KCTD19: variants seen among roughly 807,000 people sequenced by gnomAD.
The protein encoded by KCTD19 is potassium channel tetramerization domain containing 19.
KCTD19 carries 67 observed loss-of-function variants against 103.5 expected under a neutral mutation model. That is an observed-to-expected ratio of 0.65 (90% CI 0.53 to 0.79). The LOEUF (loss-of-function observed/expected upper bound fraction) is 0.79, where lower values mean the gene tolerates loss of function less well. Ranked by LOEUF, KCTD19 falls within the 30% of genes least tolerant of loss-of-function variation. The probability of loss-of-function intolerance (pLI) is 0.00; values close to 1 mark genes in which losing one functional copy is unlikely to be tolerated. For synonymous variants in KCTD19, 439 were observed against 452.2 expected, an observed-to-expected ratio of 0.97 and a Z score of 0.37; for missense variants, 980 against 1,136.1, an observed-to-expected ratio of 0.86 and a Z score of 1.98.
chr16:67,316,332 C>A (rs967012330), intron 2 of KCTD19, among the ~76,000 whole-genome samples: 2 of 152,208 alleles, frequency 1.3e-5, no homozygotes, highest in Non-Finnish European at 2.9e-5. Flanking sequence ...AGACACCATG[C>A]CCAGCCTCTG....
At chr16:67,302,174 C>T in intron 4 of KCTD19, 1 of 385,200 alleles carries the variant, frequency 2.6e-6, no homozygotes, top group Non-Finnish European at 4.8e-6. Flanking sequence ...GGCTCCCAAG[C>T]CAGGCCCTCC....
At chr16:67,322,027 T>G (rs1431451023) in intron 1 of KCTD19, 1 of 152,150 alleles carries the variant, frequency 6.6e-6, no homozygotes, top group Non-Finnish European at 1.5e-5. Context: ...ATCAAGACAG[T>G]GTGCTACCAG....
At chr16:67,296,847 T>G (rs1034600654) in intron 7 of KCTD19, among the ~76,000 whole-genome samples, 3 of 152,106 alleles carry the variant, frequency 2.0e-5, no homozygotes, top group African/African-American at 7.2e-5. Flanking sequence ...ATAACTAGAT[T>G]ATATAACCAA....
chr16:67,293,781 T>G lies in KCTD19; in HGVS notation c.1981A>C (p.Ser661Arg). The G allele has an allele frequency of 7.4e-6, 12 of 1,613,864 alleles. No individual in the cohort carries two copies. Among genetic ancestry groups the G allele is most frequent in the Non-Finnish European group, 9.3e-6 (11 of 1,180,014 alleles). ...TGCAGGGTGGCCTCCTCCAAGGGGC[T>G]GCTCCGTGTGGCTGTCAGTGGCTGG... is the stretch of plus-strand genomic sequence containing the variant. ...EFQPLTATRS[S>R]PLEEATLQLP... The change falls in exon 12 of 16, where the codon AGC (serine) becomes CGC (arginine). Residue 661 changes from serine to arginine, a missense_variant. By Grantham distance (110) the Ser-to-Arg change is moderately radical. Transcript: ENST00000304372. This position sits in a 1 kb window ranked among gnomAD's most constrained non-coding sequence, Gnocchi z 4.0.
Position 67,289,569 on chromosome 16 carries a change from C to T in KCTD19, c.2781G>A (p.Ter927=), listed in dbSNP as rs887845042. 6.2e-7 allele frequency: 1 copy of T among 1,602,894 alleles called. No homozygotes were observed. ...ATGAGGGGCTGCATCTCTGGGCACCCTAGTCCTCTTGTAGGTACTTTCCCA... is the reference window on the plus strand; with the variant it reads ...ATGAGGGGCTGCATCTCTGGGCACCTTAGTCCTCTTGTAGGTACTTTCCCA... ...SILGKYLQED[*] Residue 927 remains the stop codon, a stop_retained_variant, in exon 16 of 16, where the codon TAG becomes TAA. Coordinates refer to ENST00000304372, the MANE Select transcript of KCTD19 (RefSeq NM_001100915.3).
intron 2 of KCTD19, among the ~76,000 whole-genome samples, chr16:67,316,293 C>T (rs190818976): frequency 1.4e-4 from 21 of 152,276 alleles, no homozygotes; most frequent in Admixed American, 9.8e-4. Flanking sequence ...CCTGCCTTGA[C>T]CTCCCAAAGT....
In KCTD19 at chr16:67,304,529, G is replaced by A. The variant is rs374251418; in HGVS notation, c.343C>T (p.Arg115Trp). The A allele has an allele frequency of 1.4e-5, 22 of 1,613,910 alleles. 1 individual carries two copies. Among genetic ancestry groups the A allele is most frequent in the Middle Eastern group, 3.3e-4 (2 of 6,062 alleles). The change falls in exon 3 of 16, where the codon CGG becomes TGG. Residue 115 changes from arginine to tryptophan, a missense_variant. Transcript: ENST00000304372. ...LKEGKHHLRV[R>W]PADLPVAERA... ...TCAGCAACAGGTAGGTCTGCAGGCC[G>A]TACGCGTAGATGGTGTTTCCCTTCC...
At chr16:67,296,119 G>T in intron 8 of KCTD19, 40 bp downstream of exon 8, 1 of 1,189,048 alleles carries the variant, frequency 8.4e-7, no homozygotes, top group Non-Finnish European at 1.3e-6. Flanking sequence ...CTCAGGTGGT[G>T]ATGCCAGATG....
chr16:67,304,704 C>T lies in KCTD19; in HGVS notation c.301-133G>A, dbSNP rs543113234. The T allele has an allele frequency of 2.7e-5, 20 of 742,558 alleles. No homozygotes were observed. In the African/African-American group the frequency reaches 2.8e-4, roughly 11 times the overall value. The allele number at this position is 742,558 out of a possible 1,614,324, so 46.0% of individuals were successfully genotyped here. A position where few individuals can be genotyped will look rare whatever the true frequency, so the allele number is the denominator to read the frequency against. On this transcript the variant is annotated intron_variant, in intron 2 of 15. Transcript: ENST00000304372. ...TTTGAGACAGAGTCTCGTTTTGTTG[C>T]CCAGGCTGGAGTGCAGTGGTGCGAT...
chr16:67,305,425 G>A (rs1219168797), intron 2 of KCTD19: 2 of 290,560 alleles, frequency 6.9e-6, no homozygotes, highest in African/African-American at 4.5e-5. Flanking sequence ...TTACTGATGA[G>A]GCAGCTGAGG....
At chr16:67,324,552 C>A (rs1257687537) in intron 1 of KCTD19, among the ~76,000 whole-genome samples, 1 of 152,130 alleles carries the variant, frequency 6.6e-6, no homozygotes, top group African/African-American at 2.4e-5. Flanking sequence ...ATATATGGTG[C>A]TCACTGTACA....
In KCTD19 at chr16:67,291,313, A is replaced by C; in HGVS notation, c.2561T>G (p.Leu854Arg). 1.2e-6 allele frequency: 2 copies of C among 1,613,086 alleles called. No individual in the cohort carries two copies. The highest frequency in any genetic ancestry group is 1.7e-6 in the Non-Finnish European group (2 of 1,179,736). Residue 854 changes from leucine (L) to arginine (R), a missense_variant, in exon 14 of 16, where the codon CTG becomes CGG. Physicochemically the swap from Leu to Arg is moderately radical, Grantham distance 102 (BLOSUM62 -2). Coordinates refer to ENST00000304372, the MANE Select transcript of KCTD19 (RefSeq NM_001100915.3). ...TAKVVSLANR[L>R]WTLHISPKQF... ...CCTGAGGCCTGTCACACATACCCAC[A>C]GCCGATTGGCCAGGGAGACCACCTT...
At chr16:67,314,873 A>AGG (rs1491405950) in intron 2 of KCTD19, among the ~76,000 whole-genome samples, 77 of 130,830 alleles carry the variant, frequency 5.9e-4, no homozygotes, top group Non-Finnish European at 8.8e-4. Context: ...AGAGAGAGAG[A>AGG]GGGGAAGGGT....
At chr16:67,312,607 C>T (rs2036960579) in intron 2 of KCTD19, among the ~76,000 whole-genome samples, 1 of 152,134 alleles carries the variant, frequency 6.6e-6, no homozygotes, top group Non-Finnish European at 1.5e-5. Flanking sequence ...CTTTCATTGT[C>T]TCTCAAACTC....
chr16:67,294,539 G>T, intron 11 of KCTD19, 41 bp downstream of exon 11: 1 of 1,428,526 alleles, frequency 7.0e-7, no homozygotes, highest in Admixed American at 1.7e-5. Context: ...GGTGGTAGTG[G>T]TTTTTGAGGA....
intron 2 of KCTD19, among the ~76,000 whole-genome samples, chr16:67,311,949 A>T (rs890053064): frequency 6.6e-6 from 1 of 152,162 alleles, no homozygotes; most frequent in African/African-American, 2.4e-5. Context: ...CACAGTCATA[A>T]TCTCACATCA....
rs1020807194 is a variant in KCTD19, at chr16:67,293,010, C to A, written c.2218+534G>T. Among the ~76,000 whole-genome samples the A allele has an allele frequency of 6.6e-6, 1 of 152,150 alleles. No homozygotes were observed. Among genetic ancestry groups the A allele is most frequent in the Non-Finnish European group, 1.5e-5 (1 of 68,030 alleles). ...TCCAAGTGGCTTCGAATACCTAGCTCCTGCTGCATTTCCTCTGCTCCTGGA... is the reference window on the plus strand; with the variant it reads ...TCCAAGTGGCTTCGAATACCTAGCTACTGCTGCATTTCCTCTGCTCCTGGA... On this transcript the variant is annotated intron_variant, in intron 12 of 15. Transcript: ENST00000304372. The surrounding 1 kb of genome is among the most constrained non-coding windows in gnomAD (Gnocchi z 4.0).
rs555837014 is a variant in KCTD19 at position 67,306,958 on chromosome 16, G to A, written c.301-2387C>T. 7.2e-5 allele frequency among the ~76,000 whole-genome samples: 11 copies of A among 152,270 alleles called. No homozygotes were observed. The South Asian group carries it at 2.3e-3, about 32-fold the overall frequency. On this transcript the variant is annotated intron_variant, in intron 2 of 15. Transcript: ENST00000304372. Reference sequence around the variant, plus strand: ...CATGGGAAGCTAGGTCCAGGAAGAGGTAGGGGACTAAGTGCACCAAGTAAG... The same window carrying A: ...CATGGGAAGCTAGGTCCAGGAAGAGATAGGGGACTAAGTGCACCAAGTAAG...
Position 67,291,833 on chromosome 16 carries a change from G to A in KCTD19, c.2223C>T (p.Ser741=), listed in dbSNP as rs751413879. ...CGGGCAGAGGCTGCTCAGGGGCAGGGCTTTCTGTGAAAACAACATAGGGAG... is the reference window on the plus strand; with the variant it reads ...CGGGCAGAGGCTGCTCAGGGGCAGGACTTTCTGTGAAAACAACATAGGGAG... ...WSKQRTKERE[S]PAPEQPLPEA... The change falls in exon 13 of 16, where the codon AGC becomes AGT. Residue 741 remains serine (S), a synonymous_variant. Coordinates refer to ENST00000304372, the MANE Select transcript of KCTD19 (RefSeq NM_001100915.3). 68 of 1,588,696 alleles carry A rather than the reference G, an allele frequency of 4.3e-5. No homozygotes were observed. Among genetic ancestry groups the A allele is most frequent in the Non-Finnish European group, 7.7e-6 (9 of 1,166,608 alleles).
Sources: allele counts gnomAD v4.1 joint callset (sites outside exome capture counted in the v4.1 genomes callset), GRCh38; gene constraint gnomAD v4.1.1; non-coding constraint Gnocchi (gnomAD v3.1); transcripts MANE v1.5; gene names NCBI Gene and HGNC (gene_info 2026-07-23, HGNC 2026-07-21).